The following RFPL1 variants were observed in gnomAD, a reference collection of about 807,000 sequenced individuals.
The protein encoded by RFPL1 is ret finger protein-like 1.
A neutral mutation model predicts 9.6 loss-of-function variants in RFPL1; 6 were observed. The observed-to-expected ratio is 0.62, with a 90% CI of 0.34 to 1.23. RFPL1 has a LOEUF of 1.23. RFPL1 is among the 50% of genes most tolerant of loss of function. The pLI, the probability that RFPL1 is intolerant of heterozygous loss-of-function variation, is 0.03. For synonymous variants in RFPL1, 145 were observed against 149.4 expected, an observed-to-expected ratio of 0.97 and a Z score of 0.22; for missense variants, 352 against 398.4, an observed-to-expected ratio of 0.88 and a Z score of 0.99.
At chr22:29,396,175 A>G in the RFPL1 span, among the ~76,000 whole-genome samples, 1 of 152,136 alleles carries the variant, frequency 6.6e-6, no homozygotes, top group African/African-American at 2.4e-5. Context: ...GGGACTTGCT[A>G]TGGTTTGAAT....
At chr22:29,439,216 C>A (rs749150030) in intron 1 of RFPL1, 52 bp downstream of exon 1, 22 of 1,570,094 alleles carry the variant, frequency 1.4e-5, no homozygotes, top group Non-Finnish European at 1.8e-5. Flanking sequence ...CAGGAAAAAT[C>A]ATCTGTGCAA....
chr22:29,434,653 G>C (rs555848582), upstream of RFPL1: 1 of 153,074 alleles, frequency 6.5e-6, no homozygotes, highest in East Asian at 1.9e-4. Flanking sequence ...TGCCTGCAAA[G>C]AATCTGTTAA....
the RFPL1 span, chr22:29,432,953 A>T: frequency 6.6e-6 from 1 of 152,180 alleles, no homozygotes; most frequent in African/African-American, 2.4e-5. Context: ...ATGGCAGAAC[A>T]TTTTAAAGAA....
At chr22:29,397,152 G>A in the RFPL1 span, among the ~76,000 whole-genome samples, 6 of 143,096 alleles carry the variant, frequency 4.2e-5, no homozygotes, top group Non-Finnish European at 4.6e-5. Flanking sequence ...CTCGTGATCC[G>A]CCCACCTCGG....
At chr22:29,403,098 G>T in the RFPL1 span, among the ~76,000 whole-genome samples, 2 of 151,744 alleles carry the variant, frequency 1.3e-5, no homozygotes, top group African/African-American at 4.8e-5. Context: ...TTTGCCTCTT[G>T]GTTCTTGTTA....
At chr22:29,420,088 C>T in the RFPL1 span, among the ~76,000 whole-genome samples, 1 of 152,226 alleles carries the variant, frequency 6.6e-6, no homozygotes. Context: ...GAGGCCTTTC[C>T]TGTTTTCCTC....
the RFPL1 span, among the ~76,000 whole-genome samples, chr22:29,397,162 G>A: frequency 6.6e-6 from 1 of 150,812 alleles, no homozygotes; most frequent in African/African-American, 2.4e-5. Flanking sequence ...GCCCACCTCG[G>A]CCTCCCAAAG....
At chr22:29,421,288 C>A in the RFPL1 span, among the ~76,000 whole-genome samples, 1 of 152,174 alleles carries the variant, frequency 6.6e-6, no homozygotes, top group Non-Finnish European at 1.5e-5. Context: ...ACCCCAACCC[C>A]AAAATAAAAA....
upstream of RFPL1, chr22:29,434,606 AG>A (rs2062800185): frequency 1.3e-5 from 2 of 153,298 alleles, 1 homozygote; most frequent in South Asian, 4.1e-4. Context: ...CATTACTGGG[AG>A]GTAGACATGG....
At chr22:29,423,581 A>G in the RFPL1 span, among the ~76,000 whole-genome samples, 3 of 152,166 alleles carry the variant, frequency 2.0e-5, no homozygotes, top group East Asian at 1.9e-4. Flanking sequence ...ACAAGGATGG[A>G]CGGGCTTACA....
At chr22:29,432,652 G>T in the RFPL1 span, among the ~76,000 whole-genome samples, 4 of 152,132 alleles carry the variant, frequency 2.6e-5, no homozygotes, top group Admixed American at 2.0e-4. Flanking sequence ...CCCATTTGGG[G>T]TGCTCAAGAA....
the RFPL1 span, among the ~76,000 whole-genome samples, chr22:29,429,339 C>T: frequency 2.6e-5 from 4 of 152,174 alleles, no homozygotes; most frequent in Admixed American, 2.6e-4. Flanking sequence ...CAGGCATGAG[C>T]CACTGTTCTC....
the RFPL1 span, among the ~76,000 whole-genome samples, chr22:29,401,260 A>G: frequency 6.6e-6 from 1 of 152,238 alleles, no homozygotes; most frequent in South Asian, 2.1e-4. Context: ...AGTAATCACT[A>G]AAAAATTGTC....
the RFPL1 span, among the ~76,000 whole-genome samples, chr22:29,421,704 C>G: frequency 6.6e-6 from 1 of 151,392 alleles, no homozygotes; most frequent in Non-Finnish European, 1.5e-5. Flanking sequence ...ACCTTCCTTT[C>G]CCCAAATGTG....
chr22:29,394,218 C>T, the RFPL1 span, among the ~76,000 whole-genome samples: 1 of 152,152 alleles, frequency 6.6e-6, no homozygotes, highest in Non-Finnish European at 1.5e-5. Context: ...GACAGAGTTT[C>T]GCTTTTGTTG....
chr22:29,420,785 C>T, the RFPL1 span, among the ~76,000 whole-genome samples: 8 of 151,760 alleles, frequency 5.3e-5, no homozygotes, highest in East Asian at 5.8e-4. Context: ...GAACTACAGG[C>T]GGGCACCATC....
chr22:29,391,123 C>T, the RFPL1 span, among the ~76,000 whole-genome samples: 1 of 151,520 alleles, frequency 6.6e-6, no homozygotes, highest in Non-Finnish European at 1.5e-5. Flanking sequence ...GCCTGGGCGA[C>T]GGAGTGAGAC....
At chr22:29,407,176 C>G in the RFPL1 span, among the ~76,000 whole-genome samples, 1 of 151,772 alleles carries the variant, frequency 6.6e-6, no homozygotes, top group Non-Finnish European at 1.5e-5. Context: ...TCACTGCGAT[C>G]TTGACCTCCC....
the RFPL1 span, among the ~76,000 whole-genome samples, chr22:29,405,230 G>A: frequency 2.0e-5 from 3 of 152,130 alleles, no homozygotes; most frequent in Admixed American, 1.3e-4. Flanking sequence ...TAGGATTGTC[G>A]GAGCAGGGAA....
Sources: gnomAD v4.1 joint callset for allele counts (sites outside exome capture counted in the v4.1 genomes callset) on GRCh38, gnomAD v4.1.1 for gene constraint, MANE v1.5 for transcripts, NCBI Gene and HGNC (gene_info 2026-07-23, HGNC 2026-07-21) for gene names.